Variants in DLG2 observed in about 807,000 individuals in gnomAD.
The protein encoded by DLG2 is disks large homolog 2.
In DLG2, 45 loss-of-function variants were observed where a neutral mutation model predicts 132.5. That is an observed-to-expected ratio of 0.34 (90% CI 0.27 to 0.44). DLG2 has a LOEUF of 0.44. DLG2 is among the 20% of genes least tolerant of loss of function. DLG2 has a pLI of 1.00. For missense variants in DLG2, 1,045 were observed against 1,196.9 expected, an observed-to-expected ratio of 0.87 and a Z score of 1.87; for synonymous variants, 424 against 419.6, an observed-to-expected ratio of 1.01 and a Z score of -0.13.
intron 16 of DLG2, among the ~76,000 whole-genome samples, chr11:83,861,592 T>C (rs1479539647): frequency 6.6e-6 from 1 of 152,154 alleles, no homozygotes; most frequent in African/African-American, 2.4e-5. Flanking sequence ...CTGGAGATCA[T>C]TATATTAAGT....
chr11:83,825,042 T>C (rs973516878), intron 17 of DLG2, among the ~76,000 whole-genome samples: 6 of 150,968 alleles, frequency 4.0e-5, no homozygotes, highest in Non-Finnish European at 8.8e-5. Context: ...TTTCTTTTTG[T>C]TGTTGTTGTT....
intron 6 of DLG2, among the ~76,000 whole-genome samples, chr11:84,810,666 C>G (rs1162337588): frequency 6.6e-6 from 1 of 152,026 alleles, no homozygotes; most frequent in East Asian, 1.9e-4. Context: ...GTTTTATTCA[C>G]AATAGCCAAA....
At chr11:84,615,108 C>T (rs997688363) in intron 6 of DLG2, among the ~76,000 whole-genome samples, 1 of 152,170 alleles carries the variant, frequency 6.6e-6, no homozygotes, top group East Asian at 1.9e-4. Context: ...TCTGTCACTA[C>T]AAATGGTTGT....
In DLG2 at chr11:84,865,311, G is replaced by A. The variant is rs2084379625; in HGVS notation, c.357+246350C>T. Among the ~76,000 whole-genome samples, 3 of 152,266 alleles carry A rather than the reference G, an allele frequency of 2.0e-5. No homozygotes were observed. The South Asian group carries it at 6.2e-4, about 32-fold the overall frequency. ...ATATAAGGCCTATAACTACTGAAAT[G>A]AAACATATTTCCAACACTGTTGTAG... On this transcript the variant is annotated intron_variant, in intron 6 of 27. Coordinates refer to ENST00000376104, the MANE Select transcript of DLG2 (RefSeq NM_001142699.3).
chr11:83,627,545 A>G (rs1260179417), intron 19 of DLG2, among the ~76,000 whole-genome samples: 2 of 152,138 alleles, frequency 1.3e-5, no homozygotes, highest in African/African-American at 2.4e-5. Context: ...ACATGAACTC[A>G]TCATTTCTTA....
At chr11:84,834,162 G>C (rs1460590147) in intron 6 of DLG2, among the ~76,000 whole-genome samples, 2 of 151,552 alleles carry the variant, frequency 1.3e-5, no homozygotes, top group Admixed American at 6.6e-5. Context: ...ATTTCAAATA[G>C]CAGTTTTTAC....
intron 6 of DLG2, among the ~76,000 whole-genome samples, chr11:84,918,679 G>C (rs143358231): frequency 6.6e-6 from 1 of 152,278 alleles, no homozygotes; most frequent in East Asian, 1.9e-4. Flanking sequence ...ACCTGGCTGA[G>C]CAGATCCAAA....
chr11:83,768,772 G>T (rs999186150), intron 18 of DLG2, among the ~76,000 whole-genome samples: 14 of 152,180 alleles, frequency 9.2e-5, no homozygotes, highest in African/African-American at 3.1e-4. Context: ...GCCCATACTA[G>T]TTAAAGGAGC....
chr11:84,121,290 T>TA (rs2093899211), intron 9 of DLG2, among the ~76,000 whole-genome samples: 1 of 152,194 alleles, frequency 6.6e-6, no homozygotes, highest in Non-Finnish European at 1.5e-5. Flanking sequence ...CTTCCAGAAT[T>TA]ATTATGTTCC....
At chr11:85,412,435 A>C (rs1199653761) in intron 3 of DLG2, among the ~76,000 whole-genome samples, 2 of 151,560 alleles carry the variant, frequency 1.3e-5, no homozygotes, top group African/African-American at 2.4e-5. Context: ...TAAGTTCTTT[A>C]GTCGCGATTT....
intron 4 of DLG2, among the ~76,000 whole-genome samples, chr11:85,270,152 A>C (rs1256648537): frequency 2.0e-5 from 3 of 152,190 alleles, no homozygotes; most frequent in Non-Finnish European, 4.4e-5. Context: ...CTTGAATTGT[A>C]ACTCCCATAA....
At chr11:83,831,978 G>A (rs2154000644) in intron 17 of DLG2, among the ~76,000 whole-genome samples, 1 of 152,264 alleles carries the variant, frequency 6.6e-6, no homozygotes. Flanking sequence ...AATGAAAAGA[G>A]GGAGGGAAGG....
At chr11:83,780,003 G>A (rs2094746121) in intron 18 of DLG2, among the ~76,000 whole-genome samples, 1 of 152,120 alleles carries the variant, frequency 6.6e-6, no homozygotes, top group African/African-American at 2.4e-5. Flanking sequence ...AATGTTCTCT[G>A]ATGATTCTGA....
intron 6 of DLG2, among the ~76,000 whole-genome samples, chr11:84,822,129 T>G (rs895987577): frequency 6.6e-6 from 1 of 151,834 alleles, no homozygotes; most frequent in African/African-American, 2.4e-5. Context: ...AAGTGGCAAC[T>G]CTGTCACAGT....
intron 6 of DLG2, among the ~76,000 whole-genome samples, chr11:84,888,739 A>T (rs2088790005): frequency 6.6e-6 from 1 of 152,136 alleles, no homozygotes; most frequent in African/African-American, 2.4e-5. Context: ...AAGAAAGATC[A>T]CTATCAACCC....
chr11:84,375,649 T>C (rs1369687264), intron 7 of DLG2, among the ~76,000 whole-genome samples: 1 of 151,790 alleles, frequency 6.6e-6, no homozygotes, highest in Non-Finnish European at 1.5e-5. Context: ...AAAGGTTGCC[T>C]TTGGAAGAGC....
chr11:85,619,266 C>T (rs2081540956), intron 2 of DLG2, among the ~76,000 whole-genome samples: 1 of 152,158 alleles, frequency 6.6e-6, no homozygotes, highest in South Asian at 2.1e-4. Flanking sequence ...CAGTCTCAAA[C>T]TCCTGGGCTC....
chr11:83,699,877 CTTTCTATG>C (rs1487379349), intron 18 of DLG2, among the ~76,000 whole-genome samples: 19 of 139,302 alleles, frequency 1.4e-4, no homozygotes, highest in African/African-American at 5.2e-4. Flanking sequence ...ATCTGTCTGT[CTTTCTATG>C]TATGTATGTA....
At chr11:84,977,481 T>A (rs2055064007) in intron 6 of DLG2, among the ~76,000 whole-genome samples, 1 of 152,144 alleles carries the variant, frequency 6.6e-6, no homozygotes, top group African/African-American at 2.4e-5. Flanking sequence ...TTAAAGCCAA[T>A]CACTTTTCCA....
Sources: allele counts gnomAD v4.1 joint callset (sites outside exome capture counted in the v4.1 genomes callset), GRCh38; gene constraint gnomAD v4.1.1; transcripts MANE v1.5; gene names NCBI Gene and HGNC (gene_info 2026-07-23, HGNC 2026-07-21).